The following CCDC39 variants were observed in gnomAD, a reference collection of about 807,000 sequenced individuals.
The protein encoded by CCDC39 is coiled-coil domain-containing protein 39.
In CCDC39, 113 loss-of-function variants were observed where a neutral mutation model predicts 121.0. The observed-to-expected ratio is 0.93, with a 90% CI of 0.80 to 1.09. The LOEUF is 1.09. Among genes scored for constraint, CCDC39 ranks in the 50% least tolerant of loss-of-function variants. CCDC39 has a pLI of 0.00. For synonymous variants in CCDC39, 349 were observed against 352.2 expected, an observed-to-expected ratio of 0.99 and a Z score of 0.10; for missense variants, 1,063 against 1,074.7, an observed-to-expected ratio of 0.99 and a Z score of 0.15.
At chr3:180,637,801 C>G (rs1324921700) in intron 13 of CCDC39, among the ~76,000 whole-genome samples, 1 of 152,094 alleles carries the variant, frequency 6.6e-6, no homozygotes, top group Non-Finnish European at 1.5e-5. Context: ...AGCTGGAGGC[C>G]ATTATCCTTA....
intron 14 of CCDC39, among the ~76,000 whole-genome samples, chr3:180,622,348 T>G (rs1470252264): frequency 6.6e-6 from 1 of 152,024 alleles, no homozygotes; most frequent in Admixed American, 6.6e-5. Flanking sequence ...TAAGATCATA[T>G]CATGTGAACA....
chr3:180,641,376 A>C (rs577012551), intron 13 of CCDC39, among the ~76,000 whole-genome samples: 1 of 152,248 alleles, frequency 6.6e-6, no homozygotes, highest in South Asian at 2.1e-4. Flanking sequence ...TAATAAGACA[A>C]GGATACCTGT....
intron 13 of CCDC39, among the ~76,000 whole-genome samples, chr3:180,632,724 C>A (rs184389448): frequency 6.6e-6 from 1 of 151,740 alleles, no homozygotes; most frequent in Admixed American, 6.6e-5. Flanking sequence ...GTAAGATTAA[C>A]GGAAAAAAAA....
At chr3:180,643,664 C>T (rs1718009817) in intron 12 of CCDC39, among the ~76,000 whole-genome samples, 1 of 152,098 alleles carries the variant, frequency 6.6e-6, no homozygotes, top group Non-Finnish European at 1.5e-5. Context: ...ATATTCATTT[C>T]TTTCTGAATC....
chr3:180,647,255 T>TA lies in CCDC39; in HGVS notation c.1363-13dup, dbSNP rs374074877. 220,021 of 1,244,132 alleles carry TA rather than the reference T, an allele frequency of 0.18. 4,949 individuals carry two copies. The highest frequency in any genetic ancestry group is 0.19 in the Non-Finnish European group (176,790 of 932,644). 77.1% of individuals were successfully genotyped at this position (1,244,132 alleles called of 1,614,324 possible). A position where few individuals can be genotyped will look rare whatever the true frequency, so the allele number is the denominator to read the frequency against. On this transcript the variant is annotated splice_polypyrimidine_tract_variant and intron_variant, in intron 10 of 19. Transcript: ENST00000476379. ...TGAATGTGAAAATCCTGTTACAGTT[T>TA]AAAAAAAAAAAGGTATTACAAAGAA...
At chr3:180,636,711 A>C (rs1187879986) in intron 13 of CCDC39, among the ~76,000 whole-genome samples, 1 of 152,070 alleles carries the variant, frequency 6.6e-6, no homozygotes, top group Non-Finnish European at 1.5e-5. Context: ...AATCAAAACA[A>C]CATGGTACTG....
Position 180,654,885 on chromosome 3 carries a change from CA to C in CCDC39, c.806del (p.Leu269TrpfsTer23). On this transcript the variant is annotated frameshift_variant, in exon 7 of 20. Coordinates refer to ENST00000476379, the MANE Select transcript of CCDC39 (RefSeq NM_181426.2). LOFTEE classifies it high-confidence loss of function. ...ENLVKEKIKF[L>X]ESEIGNNTEF... is the part of the protein sequence containing the mutation. ...CTGTGTTATTCCCAATCTCACTTTCCAAAAACTTGATCTTTTCTTTAACCAA... is the reference window on the plus strand; with the variant it reads ...CTGTGTTATTCCCAATCTCACTTTCCAAAACTTGATCTTTTCTTTAACCAA... 6.3e-7 allele frequency: 1 copy of C among 1,593,748 alleles called. No homozygotes were observed. The highest frequency in any genetic ancestry group is 1.2e-5 in the South Asian group (1 of 85,588).
intron 11 of CCDC39, among the ~76,000 whole-genome samples, chr3:180,645,381 C>A: frequency 6.6e-6 from 1 of 152,096 alleles, no homozygotes; most frequent in Admixed American, 6.5e-5. Context: ...CACCCAGAAC[C>A]CAGAATAAGG....
rs751844801 is a variant in CCDC39 at position 180,614,924 on chromosome 3, T to C, written c.2823A>G (p.Lys941=). 1.9e-5 allele frequency: 30 copies of C among 1,558,544 alleles called. No individual in the cohort carries two copies. The highest frequency in any genetic ancestry group is 2.4e-5 in the Non-Finnish European group (28 of 1,150,018). Residue 941 remains lysine, a synonymous_variant, in exon 20 of 20, where the codon AAA becomes AAG. Transcript: ENST00000476379. Reference sequence around the variant, plus strand: ...TTTTCAGAAGAGATTAAAATGTTTATTTGCTGCTCTTTTTGCTCTTAACAT... The same window carrying C: ...TTTTCAGAAGAGATTAAAATGTTTACTTGCTGCTCTTTTTGCTCTTAACAT... ...SSNVKSKKSS[K] is the part of the protein sequence containing the mutation.
chr3:180,672,249 G>A (rs936782090), intron 1 of CCDC39, among the ~76,000 whole-genome samples: 1 of 152,124 alleles, frequency 6.6e-6, no homozygotes, highest in African/African-American at 2.4e-5. Context: ...ATGGTTTACT[G>A]AAAATTTTAA....
intron 1 of CCDC39, among the ~76,000 whole-genome samples, chr3:180,672,899 G>C (rs1208823237): frequency 1.3e-5 from 2 of 152,134 alleles, no homozygotes; most frequent in African/African-American, 2.4e-5. Context: ...ACCAAATATT[G>C]GTATTAATAG....
intron 14 of CCDC39, among the ~76,000 whole-genome samples, chr3:180,628,935 A>T (rs1243352956): frequency 6.6e-6 from 1 of 152,216 alleles, no homozygotes; most frequent in Non-Finnish European, 1.5e-5. Context: ...AAGGGAAAAA[A>T]TTTTGAACTG....
intron 8 of CCDC39, among the ~76,000 whole-genome samples, chr3:180,651,813 A>G (rs564120585): frequency 2.5e-4 from 38 of 152,162 alleles, no homozygotes; most frequent in Admixed American, 5.2e-4. Context: ...CAAGGCGGGC[A>G]GATCACGAGG....
chr3:180,614,134 A>C lies in CCDC39; in HGVS notation c.*787T>G, dbSNP rs1717126726. On this transcript the variant is annotated 3_prime_UTR_variant, in exon 20 of 20. Coordinates refer to ENST00000476379, the MANE Select transcript of CCDC39 (RefSeq NM_181426.2). Reference sequence around the variant, plus strand: ...GAAAAACTACTACATTTGGCAGTCTACCTCCAACTGTAAATGAAATTTCTA... The same window carrying C: ...GAAAAACTACTACATTTGGCAGTCTCCCTCCAACTGTAAATGAAATTTCTA... 5.9e-6 allele frequency: 1 copy of C among 170,896 alleles called. No individual in the cohort carries two copies. Among genetic ancestry groups the C allele is most frequent in the Non-Finnish European group, 1.3e-5 (1 of 78,838 alleles). 10.6% of individuals were successfully genotyped at this position (170,896 alleles called of 1,614,324 possible).
chr3:180,622,395 C>A (rs1482706780), intron 14 of CCDC39, among the ~76,000 whole-genome samples: 1 of 151,986 alleles, frequency 6.6e-6, no homozygotes, highest in Non-Finnish European at 1.5e-5. Context: ...ATTTGAAAGA[C>A]TTTCATTTAT....
At chr3:180,659,358 T>C (rs1235628471) in intron 6 of CCDC39, 94 bp downstream of exon 6, 1 of 1,493,032 alleles carries the variant, frequency 6.7e-7, no homozygotes, top group African/African-American at 1.4e-5. Flanking sequence ...AAAGTGACTT[T>C]CAAATAACAA....
At chr3:180,661,778 C>G (rs907095370) in intron 3 of CCDC39, 83 bp downstream of exon 3, 5 of 1,309,998 alleles carry the variant, frequency 3.8e-6, no homozygotes, top group African/African-American at 3.0e-5. Context: ...CTTTCCCATA[C>G]AAGAAAAAAA....
At position 180,616,541 on chromosome 3, in the gene CCDC39, A is replaced by G; in HGVS notation, c.2561T>C (p.Ile854Thr). 4 of 1,585,016 alleles carry G rather than the reference A, an allele frequency of 2.5e-6. No individual in the cohort carries two copies. In the South Asian group the frequency reaches 4.7e-5, roughly 19 times the overall value. ...CTGTTGAAAGTATGTTTGAAGGATA[A>G]TACGGATCTCAGTATTTTCTTCTAT... ...DIIEENTEIRIILQTYFQQSG... is the reference protein window; with the variant it reads ...DIIEENTEIRTILQTYFQQSG... The change falls in exon 18 of 20, where the codon ATT (isoleucine) becomes ACT (threonine). Residue 854 changes from isoleucine to threonine, a missense_variant. Coordinates refer to ENST00000476379, the MANE Select transcript of CCDC39 (RefSeq NM_181426.2).
chr3:180,662,758 GTTTGTT>G (rs1293333008), intron 2 of CCDC39, among the ~76,000 whole-genome samples: 4 of 152,162 alleles, frequency 2.6e-5, no homozygotes, highest in East Asian at 1.9e-4. Context: ...AGAATTCTGA[GTTTGTT>G]TTTAAGTTTA....
Sources: allele counts gnomAD v4.1 joint callset (sites outside exome capture counted in the v4.1 genomes callset), GRCh38; gene constraint gnomAD v4.1.1; transcripts MANE v1.5; gene names NCBI Gene and HGNC (gene_info 2026-07-23, HGNC 2026-07-21).